The following ZNF429 variants were observed in gnomAD, a reference collection of about 807,000 sequenced individuals.
The protein encoded by ZNF429 is zinc finger protein 429.
ZNF429 carries 53 observed loss-of-function variants against 56.8 expected under a neutral mutation model. That is an observed-to-expected ratio of 0.93 (90% CI 0.75 to 1.17). The LOEUF is 1.17. Among genes scored for constraint, ZNF429 ranks in the 50% most tolerant of loss-of-function variants. The pLI is 0.00. For synonymous variants in ZNF429, 278 were observed against 264.7 expected (o/e 1.05, Z -0.49); for missense variants, 849 against 788.4 (o/e 1.08, Z -0.92).
intron 1 of ZNF429, among the ~76,000 whole-genome samples, chr19:21,519,554 T>C (rs1484764242): frequency 6.6e-6 from 1 of 152,246 alleles, no homozygotes; most frequent in East Asian, 1.9e-4. Flanking sequence ...TCTGTTTCTG[T>C]ATCCTTGCTT....
intron 1 of ZNF429, among the ~76,000 whole-genome samples, chr19:21,511,947 C>T (rs1037659920): frequency 2.6e-5 from 4 of 152,068 alleles, no homozygotes; most frequent in Non-Finnish European, 5.9e-5. Flanking sequence ...CGTGGCGGTG[C>T]GCGCCTGGAA....
intron 1 of ZNF429, among the ~76,000 whole-genome samples, chr19:21,525,516 C>A (rs921470578): frequency 2.2e-4 from 33 of 152,090 alleles, no homozygotes; most frequent in Admixed American, 1.3e-3. Flanking sequence ...CACTCTGGAG[C>A]CTTGCCTCAC....
At chr19:21,514,042 C>T (rs956756699) in intron 1 of ZNF429, among the ~76,000 whole-genome samples, 1 of 152,204 alleles carries the variant, frequency 6.6e-6, no homozygotes, top group Non-Finnish European at 1.5e-5. Flanking sequence ...TCTCCACCAA[C>T]TTAGGGTTCT....
At chr19:21,529,898 C>G in intron 2 of ZNF429, 114 bp downstream of exon 2, 3 of 794,692 alleles carry the variant, frequency 3.8e-6, no homozygotes, top group Non-Finnish European at 5.4e-6. Context: ...CAGATTCCTG[C>G]TTTTAAGAAA....
chr19:21,507,018 T>G (rs558588277), intron 1 of ZNF429, among the ~76,000 whole-genome samples: 21 of 152,298 alleles, frequency 1.4e-4, no homozygotes, highest in African/African-American at 4.8e-4. Flanking sequence ...TCCGCCCATC[T>G]CGGCCTCCCA....
At chr19:21,509,155 C>A (rs2032329909) in intron 1 of ZNF429, among the ~76,000 whole-genome samples, 1 of 151,944 alleles carries the variant, frequency 6.6e-6, no homozygotes, top group Non-Finnish European at 1.5e-5. Flanking sequence ...ACTACAGGCG[C>A]ACACTGTCGC....
At position 21,517,338 on chromosome 19, in the gene ZNF429, T is replaced by G. The variant is rs1035115279; in HGVS notation, c.3+11564T>G. Among the ~76,000 whole-genome samples, 3 of 151,764 alleles carry G rather than the reference T, an allele frequency of 2.0e-5. No homozygotes were observed. The East Asian group carries it at 5.8e-4, about 29-fold the overall frequency. On this transcript the variant is annotated intron_variant, in intron 1 of 3. Transcript: ENST00000358491. The stretch of plus-strand genomic sequence containing the variant: ...GTTGATGTGCTGCTGGATTCAATTT[T>G]ACAGTATTTCATTGAGGATTTTTGC...
At position 21,516,261 on chromosome 19, in the gene ZNF429, G is replaced by C. The variant is rs1308740158; in HGVS notation, c.3+10487G>C. Among the ~76,000 whole-genome samples the C allele has an allele frequency of 1.2e-4, 18 of 151,636 alleles. No individual in the cohort carries two copies. The South Asian group carries it at 3.7e-3, about 32-fold the overall frequency. On this transcript the variant is annotated intron_variant, in intron 1 of 3. Transcript: ENST00000358491. Reference sequence around the variant, plus strand: ...CATCATCATTATTATTATTATTATTGTATTTTTAGTAGGGACGGGGTTTCA... The same window carrying C: ...CATCATCATTATTATTATTATTATTCTATTTTTAGTAGGGACGGGGTTTCA...
chr19:21,535,368 T>TC lies in ZNF429; in HGVS notation c.227-911dup. Among the ~76,000 whole-genome samples, 750 of 95,016 alleles carry TC rather than the reference T, an allele frequency of 7.9e-3. 51 individuals are homozygous for TC. The highest frequency in any genetic ancestry group is 0.015 in the African/African-American group (337 of 22,652). The allele number at this position is 95,016 out of a possible 152,430, so 62.3% of individuals were successfully genotyped here. On this transcript the variant is annotated intron_variant, in intron 3 of 3. Transcript: ENST00000358491. ...CCTTTCCTTTCTTTTCTTCTTTCTT[T>TC]CTTTCTTTCTTTTTTACTTTCTTTC...
chr19:21,535,496 CTTCT>C lies in ZNF429; in HGVS notation c.227-768_227-765del. ...TCTTTCTTTCTTTCTTTCTTTCTTT[CTTCT>C]TTCTTTCTTTCTTTCCTTCTTTTTC... On this transcript the variant is annotated intron_variant, in intron 3 of 3. Transcript: ENST00000358491. Among the ~76,000 whole-genome samples the C allele has an allele frequency of 4.9e-4, 36 of 73,454 alleles. 2 individuals carry two copies. Among genetic ancestry groups the C allele is most frequent in the South Asian group, 1.6e-3 (4 of 2,534 alleles). 48.2% of individuals were successfully genotyped at this position (73,454 alleles called of 152,430 possible). A position where few individuals can be genotyped will look rare whatever the true frequency, so the allele number is the denominator to read the frequency against.
At position 21,530,661 on chromosome 19, in the gene ZNF429, A is replaced by G; in HGVS notation, c.203A>G (p.His68Arg). Residue 68 changes from histidine (H) to arginine (R), a missense_variant, in exon 3 of 4, where the codon CAT (histidine) becomes CGT (arginine). Coordinates refer to ENST00000358491, the MANE Select transcript of ZNF429 (RefSeq NM_001001415.4). ...AAAGAACCCTGCAAGATGAAGCGAC[A>G]TGAAATGGTGGATGAACCCCCAGGT... ...KEKEPCKMKR[H>R]EMVDEPPVVC... The G allele has an allele frequency of 3.1e-6, 5 of 1,610,622 alleles. No individual in the cohort carries two copies. Among genetic ancestry groups the G allele is most frequent in the East Asian group, 2.2e-5 (1 of 44,816 alleles).
chr19:21,513,092 C>T (rs1464349881), intron 1 of ZNF429, among the ~76,000 whole-genome samples: 2 of 151,908 alleles, frequency 1.3e-5, no homozygotes, highest in East Asian at 3.9e-4. Context: ...AGGATGGTCT[C>T]GATCTCCTGA....
rs1445186051 is a variant in ZNF429, at chr19:21,539,174, C to G, written c.*1096C>G. ...TAATTCAAAATTGAATTTAAAAAGT[C>G]TACATAAATATCATACATAGATATG... On this transcript the variant is annotated 3_prime_UTR_variant, in exon 4 of 4. Coordinates refer to ENST00000358491, the MANE Select transcript of ZNF429 (RefSeq NM_001001415.4). 2.0e-5 allele frequency among the ~76,000 whole-genome samples: 3 copies of G among 150,630 alleles called. No individual in the cohort carries two copies. The highest frequency in any genetic ancestry group is 4.4e-5 in the Non-Finnish European group (3 of 67,962).
chr19:21,537,256 A>G lies in ZNF429; in HGVS notation c.1203A>G (p.Lys401=), dbSNP rs2033730540. ...GAGAGGAACCCTACAAATTTGAAAA[A>G]TGTGGCAGAGTTTTTACCTGTTCCT... The part of the protein sequence containing the change: ...HTGEEPYKFE[K]CGRVFTCSST... The change falls in exon 4 of 4, where the codon AAA becomes AAG. Residue 401 remains lysine (K), a synonymous_variant. Transcript: ENST00000358491. The G allele has an allele frequency of 6.2e-7, 1 of 1,613,838 alleles. No homozygotes were observed. Among genetic ancestry groups the G allele is most frequent in the African/African-American group, 1.3e-5 (1 of 74,906 alleles).
chr19:21,515,336 T>G (rs1211391313), intron 1 of ZNF429, among the ~76,000 whole-genome samples: 2 of 151,988 alleles, frequency 1.3e-5, no homozygotes, highest in South Asian at 2.1e-4. Flanking sequence ...CTCTACTGAT[T>G]AGTGATAAGA....
chr19:21,519,329 A>G (rs572790535), intron 1 of ZNF429, among the ~76,000 whole-genome samples: 5 of 152,268 alleles, frequency 3.3e-5, no homozygotes, highest in African/African-American at 7.2e-5. Context: ...CCTTTCTCTT[A>G]TGATTCCTGT....
At chr19:21,512,106 G>T (rs1430031450) in intron 1 of ZNF429, among the ~76,000 whole-genome samples, 1 of 152,172 alleles carries the variant, frequency 6.6e-6, no homozygotes, top group Admixed American at 6.5e-5. Context: ...GGGAGAGGGA[G>T]AGCGGTAATT....
At chr19:21,532,165 T>G in intron 3 of ZNF429, among the ~76,000 whole-genome samples, 2 of 151,838 alleles carry the variant, frequency 1.3e-5, no homozygotes, top group Non-Finnish European at 2.9e-5. Flanking sequence ...TATCTATGGA[T>G]TGAAACAATA....
Position 21,539,556 on chromosome 19 carries a change from G to A in ZNF429, c.*1478G>A, listed in dbSNP as rs545447533. 3.3e-4 allele frequency among the ~76,000 whole-genome samples: 50 copies of A among 151,704 alleles called. No homozygotes were observed. In the South Asian group the frequency reaches 0.01, roughly 31 times the overall value. ...CCTGCCACAGCCTCCTGAGTAGCTG[G>A]GAATACAGGCATACACCAGCATGTC... On this transcript the variant is annotated 3_prime_UTR_variant, in exon 4 of 4. Coordinates refer to ENST00000358491, the MANE Select transcript of ZNF429 (RefSeq NM_001001415.4).
Sources: gnomAD v4.1 joint callset for allele counts (sites outside exome capture counted in the v4.1 genomes callset) on GRCh38, gnomAD v4.1.1 for gene constraint, MANE v1.5 for transcripts, NCBI Gene and HGNC (gene_info 2026-07-23, HGNC 2026-07-21) for gene names.